MAGI1: variants seen among roughly 807,000 people sequenced by gnomAD.
MAGI1 encodes membrane associated guanylate kinase, WW and PDZ domain containing 1, also known as membrane-associated guanylate kinase, WW and PDZ domain-containing protein 1.
A neutral mutation model predicts 139.9 loss-of-function variants in MAGI1; 58 were observed. The observed-to-expected ratio is 0.41, with a 90% CI of 0.34 to 0.52. The LOEUF is 0.52. Among genes scored for constraint, MAGI1 ranks in the 20% least tolerant of loss-of-function variants. MAGI1 has a pLI of 0.12. For missense variants in MAGI1, 1,874 were observed against 1,901.6 expected (o/e 0.99, Z 0.27); for synonymous variants, 812 against 737.9 (o/e 1.10, Z -1.63).
chr3:65,988,187 C>T (rs1304600167), intron 1 of MAGI1, among the ~76,000 whole-genome samples: 2 of 152,086 alleles, frequency 1.3e-5, no homozygotes, highest in African/African-American at 4.8e-5. Flanking sequence ...GGGACCCCTA[C>T]AAGTTACTCA....
chr3:65,763,681 A>G (rs2037225584), intron 1 of MAGI1, among the ~76,000 whole-genome samples: 1 of 151,970 alleles, frequency 6.6e-6, no homozygotes, highest in South Asian at 2.1e-4. Context: ...ATTTCCCTAC[A>G]CTAATGGTAA....
At chr3:65,418,435 G>A (rs536094407) in intron 12 of MAGI1, among the ~76,000 whole-genome samples, 1 of 152,116 alleles carries the variant, frequency 6.6e-6, no homozygotes, top group African/African-American at 2.4e-5. Context: ...CAAATAAATA[G>A]AAATTTCAAT....
intron 1 of MAGI1, among the ~76,000 whole-genome samples, chr3:65,783,620 G>A (rs1239097519): frequency 2.0e-5 from 3 of 151,764 alleles, no homozygotes; most frequent in Non-Finnish European, 4.4e-5. Context: ...CAGCCTCCCC[G>A]AGTGGCTGGG....
rs548423473 is a variant in MAGI1, at chr3:65,981,556, A to G, written c.313+56440T>C. On this transcript the variant is annotated intron_variant, in intron 1 of 22. Coordinates refer to ENST00000402939, the MANE Select transcript of MAGI1 (RefSeq NM_001033057.2). Reference sequence around the variant, plus strand: ...TTATATGAGAGACTGTATTAGATATATGTGGTTAGTACTTCATATGGTTTG... The same window carrying G: ...TTATATGAGAGACTGTATTAGATATGTGTGGTTAGTACTTCATATGGTTTG... 7.2e-5 allele frequency among the ~76,000 whole-genome samples: 11 copies of G among 152,312 alleles called. No homozygotes were observed. In the South Asian group the frequency reaches 2.3e-3, roughly 32 times the overall value.
chr3:65,733,014 C>T (rs892873215), intron 1 of MAGI1, among the ~76,000 whole-genome samples: 2 of 152,012 alleles, frequency 1.3e-5, no homozygotes, highest in Admixed American at 6.6e-5. Context: ...ACTCAGGGTT[C>T]CAAGATCACT....
At chr3:65,603,604 G>A (rs2082585096) in intron 2 of MAGI1, among the ~76,000 whole-genome samples, 1 of 152,202 alleles carries the variant, frequency 6.6e-6, no homozygotes, top group Non-Finnish European at 1.5e-5. Context: ...CTAAGAAACT[G>A]AAAAGCCTAC....
At chr3:65,637,552 CAAAAAAAGAAAGAAAG>C (rs1355996154) in intron 1 of MAGI1, among the ~76,000 whole-genome samples, 103 of 87,856 alleles carry the variant, frequency 1.2e-3, no homozygotes, top group African/African-American at 4.6e-3. Context: ...ACCCTGTCTC[CAAAAAAAGAAAGAAAG>C]AAAGAAAGAA....
chr3:65,402,807 G>A (rs1323346257), intron 12 of MAGI1, among the ~76,000 whole-genome samples: 3 of 152,140 alleles, frequency 2.0e-5, no homozygotes, highest in Admixed American at 6.5e-5. Context: ...ATTACTCGTC[G>A]TGGGAGGCAT....
At chr3:65,493,424 T>C (rs1952200558) in intron 3 of MAGI1, 88 bp downstream of exon 3, 1 of 1,544,914 alleles carries the variant, frequency 6.5e-7, no homozygotes, top group Non-Finnish European at 8.8e-7. Flanking sequence ...GACCTCCAGA[T>C]TCCACAAAAC....
chr3:65,378,337 C>T (rs1327532996), intron 17 of MAGI1, among the ~76,000 whole-genome samples: 1 of 152,108 alleles, frequency 6.6e-6, no homozygotes, highest in Non-Finnish European at 1.5e-5. Context: ...AATCGAATGA[C>T]TCTTAACTCA....
chr3:65,713,446 A>T (rs1318082414), intron 1 of MAGI1, among the ~76,000 whole-genome samples: 1 of 152,198 alleles, frequency 6.6e-6, no homozygotes, highest in East Asian at 1.9e-4. Context: ...TTTTAAAAAA[A>T]GAAAAAAAAG....
At chr3:65,797,561 A>G (rs2040229692) in intron 1 of MAGI1, among the ~76,000 whole-genome samples, 1 of 152,024 alleles carries the variant, frequency 6.6e-6, no homozygotes. Context: ...CATCTCTACA[A>G]GAAAATTAGC....
In MAGI1 at chr3:66,010,335, C is replaced by T. The variant is rs2067262659; in HGVS notation, c.313+27661G>A. Among the ~76,000 whole-genome samples, 4 of 152,100 alleles carry T rather than the reference C, an allele frequency of 2.6e-5. No homozygotes were observed. The South Asian group carries it at 8.3e-4, about 31-fold the overall frequency. Reference sequence around the variant, plus strand: ...GTGGTGCCTTGGCCACTCCTCAGGGCTCCCAATATGCATATCCCTAGGCAA... The same window carrying T: ...GTGGTGCCTTGGCCACTCCTCAGGGTTCCCAATATGCATATCCCTAGGCAA... On this transcript the variant is annotated intron_variant, in intron 1 of 22. Coordinates refer to ENST00000402939, the MANE Select transcript of MAGI1 (RefSeq NM_001033057.2).
At position 66,007,682 on chromosome 3, in the gene MAGI1, T is replaced by C. The variant is rs528641912; in HGVS notation, c.313+30314A>G. Among the ~76,000 whole-genome samples the C allele has an allele frequency of 6.6e-5, 10 of 152,284 alleles. No individual in the cohort carries two copies. In the South Asian group the frequency reaches 2.1e-3, roughly 32 times the overall value. On this transcript the variant is annotated intron_variant, in intron 1 of 22. Coordinates refer to ENST00000402939, the MANE Select transcript of MAGI1 (RefSeq NM_001033057.2). ...TTATCAAGGGAACTGGTAGCAGTAATATGGATGGGCTTGACTCAAACAAGA... is the reference window on the plus strand; with the variant it reads ...TTATCAAGGGAACTGGTAGCAGTAACATGGATGGGCTTGACTCAAACAAGA...
At chr3:65,639,205 C>A (rs1247588411) in intron 1 of MAGI1, among the ~76,000 whole-genome samples, 1 of 152,210 alleles carries the variant, frequency 6.6e-6, no homozygotes, top group Admixed American at 6.5e-5. Context: ...CCTTATATAT[C>A]CCTCATATCA....
chr3:65,489,247 T>C (rs1407166128), intron 3 of MAGI1, among the ~76,000 whole-genome samples: 1 of 152,092 alleles, frequency 6.6e-6, no homozygotes, highest in African/African-American at 2.4e-5. Context: ...CTAGCAAAAA[T>C]AATTAATTAA....
chr3:65,934,768 G>GT lies in MAGI1; in HGVS notation c.313+103227dup, dbSNP rs56950206. 5.2e-3 allele frequency among the ~76,000 whole-genome samples: 743 copies of GT among 142,086 alleles called. 5 individuals carry two copies. Among genetic ancestry groups the GT allele is most frequent in the African/African-American group, 0.014 (551 of 38,048 alleles). 93.2% of individuals were successfully genotyped at this position (142,086 alleles called of 152,430 possible). Reference sequence around the variant, plus strand: ...TGTGGGCTGAGAAGAAAAAGTTGTTGTTTTTTTTTTTTTTTAAGGGGAGGT... The same window carrying GT: ...TGTGGGCTGAGAAGAAAAAGTTGTTGTTTTTTTTTTTTTTTTAAGGGGAGGT... On this transcript the variant is annotated intron_variant, in intron 1 of 22. Coordinates refer to ENST00000402939, the MANE Select transcript of MAGI1 (RefSeq NM_001033057.2).
intron 13 of MAGI1, among the ~76,000 whole-genome samples, chr3:65,400,398 G>A (rs1944765116): frequency 6.6e-6 from 1 of 152,166 alleles, no homozygotes; most frequent in Non-Finnish European, 1.5e-5. Flanking sequence ...CTTGGAGACA[G>A]GTGGAAAGAA....
rs765899118 is a variant in MAGI1, at chr3:65,379,298, C to G, written c.2958G>C (p.Val986=). The G allele has an allele frequency of 2.5e-6, 4 of 1,613,308 alleles. No homozygotes were observed. Among genetic ancestry groups the G allele is most frequent in the Non-Finnish European group, 2.5e-6 (3 of 1,179,640 alleles). Residue 986 remains valine, a synonymous_variant, in exon 17 of 23, where the codon GTG becomes GTC. Coordinates refer to ENST00000402939, the MANE Select transcript of MAGI1 (RefSeq NM_001033057.2). ...GENEGFGFVI[V]SSVSRPEAGT... Reference sequence around the variant, plus strand: ...CTGCTTCGGGCCTGCTCACCGAGGACACGATGACGAAGCCGAAGCCCTCGT... The same window carrying G: ...CTGCTTCGGGCCTGCTCACCGAGGAGACGATGACGAAGCCGAAGCCCTCGT...
Sources: gnomAD v4.1 joint callset for allele counts (sites outside exome capture counted in the v4.1 genomes callset) on GRCh38, gnomAD v4.1.1 for gene constraint, MANE v1.5 for transcripts, NCBI Gene and HGNC (gene_info 2026-07-23, HGNC 2026-07-21) for gene names.